The following SLC7A1 variants were observed in gnomAD, a reference collection of about 807,000 sequenced individuals.
SLC7A1 encodes solute carrier family 7 member 1, also known as high affinity cationic amino acid transporter 1.
Under a neutral mutation model 53.9 loss-of-function variants are expected in SLC7A1, and 10 were observed. The observed-to-expected ratio is 0.19, with a 90% CI of 0.11 to 0.31. The LOEUF (loss-of-function observed/expected upper bound fraction) is 0.31, where lower values mean the gene tolerates loss of function less well. Among genes scored for constraint, SLC7A1 ranks in the 10% least tolerant of loss-of-function variants. SLC7A1 has a pLI of 1.00. For missense variants in SLC7A1, 525 were observed against 827.2 expected (o/e 0.63, Z 4.48); for synonymous variants, 342 against 338.7 (o/e 1.01, Z -0.11).
chr13:29,585,879 A>G (rs1354066111), intron 1 of SLC7A1, among the ~76,000 whole-genome samples: 3 of 152,144 alleles, frequency 2.0e-5, no homozygotes, highest in Non-Finnish European at 4.4e-5. Flanking sequence ...GCATTTTTAG[A>G]TAACTATCCA....
rs374542142 is a variant in SLC7A1 at position 29,510,022 on chromosome 13, A to G, written c.*4458T>C. The G allele has an allele frequency of 6.6e-6, 1 of 152,634 alleles. No homozygotes were observed. Among genetic ancestry groups the G allele is most frequent in the South Asian group, 2.1e-4 (1 of 4,830 alleles). The allele number at this position is 152,634 out of a possible 1,614,324, so 9.5% of individuals were successfully genotyped here. A position where few individuals can be genotyped will look rare whatever the true frequency, so the allele number is the denominator to read the frequency against. Reference sequence around the variant, plus strand: ...CACAAAATCATTTGCCTTGTTAATAAATTAACAGTCTGAGTGCATCTTTCC... The same window carrying G: ...CACAAAATCATTTGCCTTGTTAATAGATTAACAGTCTGAGTGCATCTTTCC... On this transcript the variant is annotated 3_prime_UTR_variant, in exon 13 of 13. Coordinates refer to ENST00000380752, the MANE Select transcript of SLC7A1 (RefSeq NM_003045.5).
chr13:29,547,272 C>G (rs1054199191), intron 2 of SLC7A1, among the ~76,000 whole-genome samples: 3 of 152,168 alleles, frequency 2.0e-5, no homozygotes, highest in Non-Finnish European at 4.4e-5. Flanking sequence ...CCATCCACTT[C>G]CCATCCAGCC....
At chr13:29,540,892 T>C (rs1463895408) in intron 2 of SLC7A1, among the ~76,000 whole-genome samples, 1 of 152,188 alleles carries the variant, frequency 6.6e-6, no homozygotes, top group Admixed American at 6.5e-5. Context: ...TAGGATATCA[T>C]GAATGGGTGG....
At chr13:29,565,084 T>A (rs1472902723) in intron 1 of SLC7A1, among the ~76,000 whole-genome samples, 3 of 152,220 alleles carry the variant, frequency 2.0e-5, no homozygotes, top group Non-Finnish European at 2.9e-5. Flanking sequence ...AATCAGCTCT[T>A]AATTAATGGT....
At chr13:29,589,788 C>G (rs1256749369) in intron 1 of SLC7A1, among the ~76,000 whole-genome samples, 2 of 152,156 alleles carry the variant, frequency 1.3e-5, no homozygotes, top group African/African-American at 2.4e-5. Flanking sequence ...AGTCCAGGTA[C>G]AGGCAGACAT....
intron 5 of SLC7A1, among the ~76,000 whole-genome samples, chr13:29,525,584 A>G (rs1868847489): frequency 6.6e-6 from 1 of 152,190 alleles, no homozygotes; most frequent in African/African-American, 2.4e-5. Context: ...CTACTTTCTA[A>G]TGGGGATTAA....
chr13:29,521,398 C>T (rs947331032), intron 8 of SLC7A1, among the ~76,000 whole-genome samples: 1 of 152,132 alleles, frequency 6.6e-6, no homozygotes, highest in Non-Finnish European at 1.5e-5. Flanking sequence ...GCCAAAAAGA[C>T]CCACTGCTCT....
chr13:29,587,283 G>A (rs1871921158), intron 1 of SLC7A1, among the ~76,000 whole-genome samples: 2 of 152,146 alleles, frequency 1.3e-5, no homozygotes, highest in South Asian at 2.1e-4. Context: ...GGAAAGGGGA[G>A]AGCCACTCTC....
In SLC7A1 at chr13:29,512,439, TCTC is replaced by T. The variant is rs573413252; in HGVS notation, c.*2038_*2040del. 6.6e-6 allele frequency: 1 copy of T among 151,866 alleles called. No homozygotes were observed. Among genetic ancestry groups the T allele is most frequent in the African/African-American group, 2.4e-5 (1 of 41,316 alleles). The allele number at this position is 151,866 out of a possible 1,614,324, so 9.4% of individuals were successfully genotyped here. A position where few individuals can be genotyped will look rare whatever the true frequency, so the allele number is the denominator to read the frequency against. ...TATTGGGTGCTGTCTTGCACGGAAA[TCTC>T]AGCCAGAAAGAAAAACTAGAGAAAA... On this transcript the variant is annotated 3_prime_UTR_variant, in exon 13 of 13. Transcript: ENST00000380752.
chr13:29,513,095 G>A lies in SLC7A1; in HGVS notation c.*1385C>T, dbSNP rs1883441338. On this transcript the variant is annotated 3_prime_UTR_variant, in exon 13 of 13. Transcript: ENST00000380752. ...CTCCACCCACGTTCAGGTTTCCTCT[G>A]GCTCCCATCTACAAGGAGTGTGTGT... The A allele has an allele frequency of 6.6e-6, 1 of 152,314 alleles. No individual in the cohort carries two copies. The highest frequency in any genetic ancestry group is 1.5e-5 in the Non-Finnish European group (1 of 68,114). 9.4% of individuals were successfully genotyped at this position (152,314 alleles called of 1,614,324 possible). A position where few individuals can be genotyped will look rare whatever the true frequency, so the allele number is the denominator to read the frequency against.
At chr13:29,531,790 C>A (rs894762957) in intron 4 of SLC7A1, among the ~76,000 whole-genome samples, 4 of 151,998 alleles carry the variant, frequency 2.6e-5, no homozygotes, top group African/African-American at 9.7e-5. Context: ...GCCAAGATCG[C>A]GCAACTGCAC....
intron 2 of SLC7A1, among the ~76,000 whole-genome samples, chr13:29,539,662 C>T (rs565174094): frequency 4.6e-5 from 7 of 152,306 alleles, no homozygotes; most frequent in African/African-American, 1.7e-4. Context: ...CTGTTTCCCC[C>T]ACACCAAGCC....
At chr13:29,519,148 C>T (rs1324204044) in intron 9 of SLC7A1, among the ~76,000 whole-genome samples, 1 of 152,158 alleles carries the variant, frequency 6.6e-6, no homozygotes, top group East Asian at 1.9e-4. Flanking sequence ...AGTCTTCAAA[C>T]CTTCTGATCC....
intron 1 of SLC7A1, among the ~76,000 whole-genome samples, chr13:29,555,639 G>A (rs9579403): frequency 0.066 from 9,931 of 150,878 alleles, 402 homozygotes; most frequent in Middle Eastern, 0.16. Flanking sequence ...ATTGGGATTC[G>A]TAGTTTAAAA....
rs550278108 is a variant in SLC7A1 at position 29,541,543 on chromosome 13, G to A, written c.-14-5341C>T. On this transcript the variant is annotated intron_variant, in intron 2 of 12. Transcript: ENST00000380752. Reference sequence around the variant, plus strand: ...GGGCGTGAGGGGCAGGGAGCAGATAGGAGGATTGATCTTAACAAGTTTAGT... The same window carrying A: ...GGGCGTGAGGGGCAGGGAGCAGATAAGAGGATTGATCTTAACAAGTTTAGT... Among the ~76,000 whole-genome samples the A allele has an allele frequency of 1.9e-3, 290 of 152,288 alleles. 2 individuals are homozygous for A. Among genetic ancestry groups the A allele is most frequent in the African/African-American group, 6.8e-3 (282 of 41,546 alleles).
At chr13:29,544,334 T>G (rs1388610912) in intron 2 of SLC7A1, among the ~76,000 whole-genome samples, 1 of 152,246 alleles carries the variant, frequency 6.6e-6, no homozygotes, top group Non-Finnish European at 1.5e-5. Flanking sequence ...TTGTTGTTAT[T>G]TTCTTCTTTT....
At chr13:29,530,450 G>C in intron 5 of SLC7A1, 88 bp downstream of exon 5, 1 of 1,171,034 alleles carries the variant, frequency 8.5e-7, no homozygotes, top group South Asian at 1.5e-5. Context: ...TTTCTTAAAA[G>C]CACATGCCAT....
intron 1 of SLC7A1, among the ~76,000 whole-genome samples, chr13:29,592,460 G>A (rs1479251626): frequency 2.6e-5 from 4 of 152,184 alleles, no homozygotes; most frequent in South Asian, 2.1e-4. Context: ...ACATCTGAAC[G>A]AATGCCTTGG....
intron 2 of SLC7A1, among the ~76,000 whole-genome samples, chr13:29,538,658 T>G (rs995473282): frequency 2.0e-5 from 3 of 152,236 alleles, no homozygotes; most frequent in African/African-American, 7.2e-5. Flanking sequence ...TTTTCTTCCT[T>G]TTGGGGAATT....
Sources: gnomAD v4.1 joint callset for allele counts (sites outside exome capture counted in the v4.1 genomes callset) on GRCh38, gnomAD v4.1.1 for gene constraint, MANE v1.5 for transcripts, NCBI Gene and HGNC (gene_info 2026-07-23, HGNC 2026-07-21) for gene names.